PRKCI: variants seen among roughly 807,000 people sequenced by gnomAD.
The protein encoded by PRKCI is protein kinase C iota.
Under a neutral mutation model 84.0 loss-of-function variants are expected in PRKCI, and 43 were observed. The ratio of observed to expected loss-of-function variants is 0.51; its 90% CI spans 0.40 to 0.66. The LOEUF (loss-of-function observed/expected upper bound fraction) is 0.66, where lower values mean the gene tolerates loss of function less well. Ranked by LOEUF, PRKCI falls within the 30% of genes least tolerant of loss-of-function variation. PRKCI has a pLI of 0.00. For synonymous variants in PRKCI, 216 were observed against 234.4 expected (o/e 0.92, Z 0.72); for missense variants, 459 against 745.6 (o/e 0.62, Z 4.48).
chr3:170,261,925 A>G (rs1167186017), intron 3 of PRKCI, among the ~76,000 whole-genome samples: 2 of 152,222 alleles, frequency 1.3e-5, no homozygotes, highest in African/African-American at 4.8e-5. Flanking sequence ...ATGCATAAAG[A>G]AGTGATTGAT....
intron 2 of PRKCI, among the ~76,000 whole-genome samples, chr3:170,246,646 A>T (rs566967808): frequency 4.6e-5 from 7 of 152,168 alleles, no homozygotes; most frequent in South Asian, 2.1e-4. Flanking sequence ...CCCTTTAAAA[A>T]TTTTTTTATT....
chr3:170,237,178 G>A (rs993693413), intron 2 of PRKCI, among the ~76,000 whole-genome samples: 5 of 152,196 alleles, frequency 3.3e-5, no homozygotes, highest in African/African-American at 1.2e-4. Context: ...AACATGATGA[G>A]TGAAAAGCAG....
rs1577347376 is a variant in PRKCI at position 170,246,029 on chromosome 3, A to T, written c.223+10678A>T. 6.6e-5 allele frequency among the ~76,000 whole-genome samples: 9 copies of T among 137,248 alleles called. 1 individual carries two copies. In the South Asian group the frequency reaches 6.7e-4, roughly 10 times the overall value. 90.0% of individuals were successfully genotyped at this position (137,248 alleles called of 152,430 possible). On this transcript the variant is annotated intron_variant, in intron 2 of 17. Transcript: ENST00000295797. Reference sequence around the variant, plus strand: ...GAATGCAGTGGTGTGATCATGGCTCACTGCAGCCTACCTCTCAGGCTAAAG... The same window carrying T: ...GAATGCAGTGGTGTGATCATGGCTCTCTGCAGCCTACCTCTCAGGCTAAAG...
intron 5 of PRKCI, 113 bp downstream of exon 5, chr3:170,268,113 G>A (rs1439379272): frequency 5.1e-6 from 4 of 777,174 alleles, no homozygotes; most frequent in African/African-American, 1.8e-5. Flanking sequence ...AAATACATAA[G>A]TAGCATGACC....
intron 4 of PRKCI, among the ~76,000 whole-genome samples, chr3:170,266,461 C>T: frequency 6.6e-6 from 1 of 151,012 alleles, no homozygotes; most frequent in Non-Finnish European, 1.5e-5. Context: ...TTATTTTTGC[C>T]AAAGGTATTT....
chr3:170,238,654 C>T (rs1251492124), intron 2 of PRKCI, among the ~76,000 whole-genome samples: 1 of 147,514 alleles, frequency 6.8e-6, no homozygotes, highest in Admixed American at 6.8e-5. Flanking sequence ...TGCAGTGTCT[C>T]GATCTCCGCC....
At chr3:170,282,514 T>C (rs1242103714) in intron 11 of PRKCI, among the ~76,000 whole-genome samples, 1 of 151,294 alleles carries the variant, frequency 6.6e-6, no homozygotes, top group Non-Finnish European at 1.5e-5. Context: ...CTGGCCAACA[T>C]GGTGAAACCC....
chr3:170,235,095 T>TC (rs2108837114), intron 1 of PRKCI, 135 bp from the exon 2 acceptor site: 1 of 915,378 alleles, frequency 1.1e-6, no homozygotes. Flanking sequence ...TTGAATGAAA[T>TC]CATTTACTGA....
intron 4 of PRKCI, 116 bp from the exon 5 acceptor site, chr3:170,267,799 A>G (rs1183655204): frequency 1.0e-5 from 6 of 593,328 alleles, no homozygotes; most frequent in Non-Finnish European, 1.1e-5. Flanking sequence ...TCAGGTTTTT[A>G]TCAGTATTTT....
chr3:170,286,127 A>G (rs1021562695), intron 12 of PRKCI, among the ~76,000 whole-genome samples: 11 of 151,386 alleles, frequency 7.3e-5, no homozygotes, highest in Non-Finnish European at 1.6e-4. Context: ...GGGTTTCACC[A>G]TGTTGGCCAG....
chr3:170,231,162 T>C (rs1475133126), intron 1 of PRKCI, among the ~76,000 whole-genome samples: 1 of 151,950 alleles, frequency 6.6e-6, no homozygotes, highest in African/African-American at 2.4e-5. Flanking sequence ...GGTTTCACCA[T>C]GTTGGCCAGG....
chr3:170,256,008 C>T (rs1430662827), intron 2 of PRKCI, among the ~76,000 whole-genome samples: 1 of 152,114 alleles, frequency 6.6e-6, no homozygotes, highest in African/African-American at 2.4e-5. Context: ...GTTGAACCAT[C>T]CTTGCATCCC....
intron 11 of PRKCI, among the ~76,000 whole-genome samples, 173 bp downstream of exon 11, chr3:170,282,141 A>G (rs1577368136): frequency 1.3e-5 from 2 of 152,186 alleles, no homozygotes. Flanking sequence ...TAAAACAATT[A>G]TATATTCTTT....
chr3:170,241,650 T>TGA (rs1733135485), intron 2 of PRKCI, among the ~76,000 whole-genome samples: 1 of 152,022 alleles, frequency 6.6e-6, no homozygotes, highest in Non-Finnish European at 1.5e-5. Context: ...ACCTTTGTTT[T>TGA]GAGAGAGGGA....
chr3:170,267,388 A>G (rs1407248467), intron 4 of PRKCI, among the ~76,000 whole-genome samples: 1 of 152,078 alleles, frequency 6.6e-6, no homozygotes, highest in Non-Finnish European at 1.5e-5. Context: ...GAAAAGCAGT[A>G]GTAGGCCGGG....
intron 2 of PRKCI, among the ~76,000 whole-genome samples, chr3:170,238,633 C>T (rs1349559823): frequency 4.7e-5 from 7 of 149,790 alleles, no homozygotes; most frequent in Admixed American, 4.6e-4. Flanking sequence ...ACTCTGTTGC[C>T]CAGGCTGGAG....
At chr3:170,244,958 T>C (rs534977861) in intron 2 of PRKCI, 3 of 152,266 alleles carry the variant, frequency 2.0e-5, no homozygotes, top group African/African-American at 7.2e-5. Flanking sequence ...CTAGGAAGAA[T>C]GAATGGATCA....
intron 5 of PRKCI, among the ~76,000 whole-genome samples, chr3:170,268,395 A>C (rs1577359930): frequency 6.6e-6 from 1 of 150,796 alleles, no homozygotes; most frequent in Non-Finnish European, 1.5e-5. Flanking sequence ...CAGGAGAATC[A>C]CTTGAGTCTG....
chr3:170,294,059 T>G (rs76261721), intron 14 of PRKCI, among the ~76,000 whole-genome samples: 2,281 of 152,258 alleles, frequency 0.015, 62 homozygotes, highest in African/African-American at 0.052. Flanking sequence ...AGTTACCTTC[T>G]CATACTCAAA....
Sources: allele counts gnomAD v4.1 joint callset (sites outside exome capture counted in the v4.1 genomes callset), GRCh38; gene constraint gnomAD v4.1.1; transcripts MANE v1.5; gene names NCBI Gene and HGNC (gene_info 2026-07-23, HGNC 2026-07-21).